ADGRB3: variants seen among roughly 807,000 people sequenced by gnomAD.
The protein encoded by ADGRB3 is brain-specific angiogenesis inhibitor 3.
In ADGRB3, 37 loss-of-function variants were observed where a neutral mutation model predicts 193.4. The observed-to-expected ratio is 0.19, with a 90% CI of 0.15 to 0.25. The LOEUF (loss-of-function observed/expected upper bound fraction) is 0.25. ADGRB3 is among the 10% of genes least tolerant of loss of function. ADGRB3 has a pLI of 1.00. For synonymous variants in ADGRB3, 690 were observed against 644.2 expected (o/e 1.07, Z -1.08); for missense variants, 1,637 against 1,852.9 (o/e 0.88, Z 2.14).
chr6:68,678,453 G>A (rs906081303), intron 3 of ADGRB3, among the ~76,000 whole-genome samples: 1 of 152,138 alleles, frequency 6.6e-6, no homozygotes, highest in Non-Finnish European at 1.5e-5. Flanking sequence ...AAAGTATGAT[G>A]CAGAGACCTT....
intron 8 of ADGRB3, among the ~76,000 whole-genome samples, chr6:68,970,378 G>A (rs1043052686): frequency 6.6e-6 from 1 of 151,464 alleles, no homozygotes; most frequent in African/African-American, 2.4e-5. Context: ...CCTGCCTCCC[G>A]GGTTCAAGCA....
At chr6:68,894,686 A>C (rs1582292031) in intron 3 of ADGRB3, among the ~76,000 whole-genome samples, 1 of 152,118 alleles carries the variant, frequency 6.6e-6, no homozygotes, top group East Asian at 1.9e-4. Flanking sequence ...TGAAGTACTT[A>C]TTTAGATAAC....
At chr6:68,670,239 T>C (rs899277072) in intron 3 of ADGRB3, among the ~76,000 whole-genome samples, 1 of 152,038 alleles carries the variant, frequency 6.6e-6, no homozygotes, top group Non-Finnish European at 1.5e-5. Flanking sequence ...ACTTCATTGA[T>C]TGTATCCTTT....
chr6:68,760,511 C>T (rs1018400956), intron 3 of ADGRB3, among the ~76,000 whole-genome samples: 7 of 152,160 alleles, frequency 4.6e-5, no homozygotes, highest in Non-Finnish European at 8.8e-5. Flanking sequence ...AATGACATTA[C>T]CAAGTATTGT....
At chr6:68,942,690 A>C (rs147977716) in intron 5 of ADGRB3, among the ~76,000 whole-genome samples, 518 of 152,052 alleles carry the variant, frequency 3.4e-3, no homozygotes, top group African/African-American at 0.012. Context: ...ACTTCACTGC[A>C]GCCCCCACCT....
At chr6:68,815,138 G>A (rs1160763818) in intron 3 of ADGRB3, among the ~76,000 whole-genome samples, 2 of 152,022 alleles carry the variant, frequency 1.3e-5, no homozygotes, top group Non-Finnish European at 2.9e-5. Flanking sequence ...TTCTGGCCAG[G>A]GCAATCAGGC....
intron 17 of ADGRB3, among the ~76,000 whole-genome samples, chr6:69,125,352 C>T (rs1773825116): frequency 1.3e-5 from 2 of 152,114 alleles, no homozygotes; most frequent in African/African-American, 4.8e-5. Context: ...CTGCTATAGT[C>T]GGAATGTTTT....
intron 3 of ADGRB3, among the ~76,000 whole-genome samples, chr6:68,912,000 C>A (rs929933497): frequency 6.6e-5 from 10 of 151,776 alleles, no homozygotes; most frequent in Non-Finnish European, 1.2e-4. Context: ...AAACATAGAG[C>A]ACTGTTACAC....
chr6:69,360,643 G>A (rs1027765234), intron 28 of ADGRB3, among the ~76,000 whole-genome samples: 4 of 151,864 alleles, frequency 2.6e-5, no homozygotes, highest in Non-Finnish European at 5.9e-5. Flanking sequence ...ATTTGCTTTA[G>A]CTATGGGCTA....
intron 3 of ADGRB3, among the ~76,000 whole-genome samples, chr6:68,844,970 G>T (rs1768244212): frequency 6.6e-6 from 1 of 152,162 alleles, no homozygotes; most frequent in African/African-American, 2.4e-5. Flanking sequence ...CAGAGTCTGG[G>T]AAGGGTAGTG....
intron 17 of ADGRB3, among the ~76,000 whole-genome samples, chr6:69,100,744 A>G (rs1773007922): frequency 6.7e-6 from 1 of 149,188 alleles, no homozygotes; most frequent in African/African-American, 2.5e-5. Context: ...TACCCTTTAA[A>G]GCCTTTAAAT....
chr6:69,359,511 C>T (rs1246687326), intron 28 of ADGRB3, among the ~76,000 whole-genome samples: 1 of 151,584 alleles, frequency 6.6e-6, no homozygotes, highest in African/African-American at 2.4e-5. Flanking sequence ...AATACAATAA[C>T]TAGATATAAT....
intron 17 of ADGRB3, among the ~76,000 whole-genome samples, chr6:69,146,925 T>G (rs527801927): frequency 8.2e-4 from 124 of 151,904 alleles, no homozygotes; most frequent in Admixed American, 1.6e-3. Context: ...TCTTCTAGGT[T>G]TGCCAATTCG....
At chr6:68,982,914 T>G (rs1234827279) in intron 10 of ADGRB3, among the ~76,000 whole-genome samples, 1 of 152,076 alleles carries the variant, frequency 6.6e-6, no homozygotes, top group Non-Finnish European at 1.5e-5. Context: ...GAAAAAGAAA[T>G]GAATTAAATA....
intron 17 of ADGRB3, among the ~76,000 whole-genome samples, chr6:69,170,217 A>G (rs1204553617): frequency 2.6e-5 from 4 of 152,168 alleles, no homozygotes; most frequent in Non-Finnish European, 4.4e-5. Context: ...CAAGTCTGAG[A>G]CTGTTTTTCC....
At chr6:69,066,182 A>G (rs977953132) in intron 16 of ADGRB3, among the ~76,000 whole-genome samples, 1 of 151,356 alleles carries the variant, frequency 6.6e-6, no homozygotes, top group Non-Finnish European at 1.5e-5. Flanking sequence ...ACATATATAT[A>G]TTAATATATA....
chr6:68,838,509 A>G (rs1326533529), intron 3 of ADGRB3, among the ~76,000 whole-genome samples: 1 of 152,132 alleles, frequency 6.6e-6, no homozygotes, highest in Non-Finnish European at 1.5e-5. Flanking sequence ...CCATTGCGTC[A>G]TTTTTCAAAT....
At chr6:69,373,318 T>C (rs980461150) in intron 30 of ADGRB3, among the ~76,000 whole-genome samples, 1 of 152,054 alleles carries the variant, frequency 6.6e-6, no homozygotes, top group African/African-American at 2.4e-5. Context: ...AATTCAGTCG[T>C]TTCATTTATG....
chr6:68,971,825 A>G (rs1384648761), intron 8 of ADGRB3, among the ~76,000 whole-genome samples: 1 of 152,222 alleles, frequency 6.6e-6, no homozygotes, highest in African/African-American at 2.4e-5. Flanking sequence ...CTTCATTGGC[A>G]TTAATCTGGG....
Sources: allele counts gnomAD v4.1 joint callset (sites outside exome capture counted in the v4.1 genomes callset), GRCh38; gene constraint gnomAD v4.1.1; transcripts MANE v1.5; gene names NCBI Gene and HGNC (gene_info 2026-07-23, HGNC 2026-07-21).